ZMAT1: variants seen among roughly 807,000 people sequenced by gnomAD.
ZMAT1 encodes the protein zinc finger matrin-type protein 1.
A neutral mutation model predicts 18.5 loss-of-function variants in ZMAT1; 11 were observed. The ratio of observed to expected loss-of-function variants is 0.59; its 90% CI spans 0.37 to 0.98. The LOEUF is 0.98. Among genes scored for constraint, ZMAT1 ranks in the 50% least tolerant of loss-of-function variants. The pLI is 0.01. For synonymous variants in ZMAT1, 211 were observed against 176.4 expected (o/e 1.20, Z -1.55); for missense variants, 525 against 496.2 (o/e 1.06, Z -0.55).
rs56951039 is a variant in ZMAT1 at position 101,907,077 on chromosome X, C to A, written c.293-2747G>T. On this transcript the variant is annotated intron_variant, in intron 1 of 5. Transcript: ENST00000651725. ...ATCATTTCAATAATCCAAGACACCC[C>A]AGTGCTAGGCTAGCCTCCATGGACT... 2.1e-3 allele frequency among the ~76,000 whole-genome samples: 237 copies of A among 111,932 alleles called. 1 individual carries two copies. Among genetic ancestry groups the A allele is most frequent in the African/African-American group, 7.4e-3 (228 of 30,810 alleles).
rs757359183 is a variant in ZMAT1, at chrX:101,906,586, A to G, written c.293-2256T>C. On this transcript the variant is annotated intron_variant, in intron 1 of 5. Coordinates refer to ENST00000651725, the MANE Select transcript of ZMAT1 (RefSeq NM_001394560.1). ...CAGTGTTCCAGCAGACCCAGGGCCC[A>G]CCCAGGCCAGTTCCAGTAGACCACA... 2.7e-4 allele frequency among the ~76,000 whole-genome samples: 30 copies of G among 111,853 alleles called. 3 individuals are homozygous for G. The highest frequency in any genetic ancestry group is 2.3e-3 in the East Asian group (8 of 3,519).
chrX:101,924,648 AT>A (rs1929947463), intron 1 of ZMAT1, among the ~76,000 whole-genome samples: 1 of 112,117 alleles, frequency 8.9e-6, no homozygotes, highest in Admixed American at 9.5e-5. Context: ...TTTAAAAATA[AT>A]AAGATGTGGA....
intron 1 of ZMAT1, among the ~76,000 whole-genome samples, chrX:101,918,117 T>G (rs528854395): frequency 1.8e-5 from 2 of 111,611 alleles, no homozygotes; most frequent in African/African-American, 6.5e-5. Context: ...TAGTATTTGA[T>G]AGCACAACAA....
intron 1 of ZMAT1, among the ~76,000 whole-genome samples, chrX:101,929,423 T>TTATATATATATATATATA (rs771032732): frequency 2.8e-5 from 2 of 71,309 alleles, no homozygotes; most frequent in African/African-American, 9.3e-5. Context: ...TAGAGAGAGA[T>TTATATATATATATATATA]TATATATATA....
At chrX:101,898,997 G>A (rs1486769658) in intron 2 of ZMAT1, among the ~76,000 whole-genome samples, 2 of 110,667 alleles carry the variant, frequency 1.8e-5, no homozygotes, top group African/African-American at 3.3e-5. Flanking sequence ...GCAGCGAGCC[G>A]AGATTGCGCC....
intron 1 of ZMAT1, among the ~76,000 whole-genome samples, chrX:101,923,235 T>G (rs1271310714): frequency 8.9e-6 from 1 of 111,906 alleles, no homozygotes; most frequent in African/African-American, 3.2e-5. Flanking sequence ...TTATACTGAT[T>G]CTTAATTCCA....
chrX:101,888,323 C>T (rs1284282370), intron 4 of ZMAT1: 3 of 111,129 alleles, frequency 2.7e-5, no homozygotes, highest in Non-Finnish European at 3.8e-5. Context: ...TTAGGAAATT[C>T]GTACCATCTT....
intron 1 of ZMAT1, among the ~76,000 whole-genome samples, chrX:101,910,988 A>G (rs774377405): frequency 9.0e-6 from 1 of 111,501 alleles, no homozygotes; most frequent in African/African-American, 3.3e-5. Context: ...TTAATAATCA[A>G]GTACCCAAAG....
intron 1 of ZMAT1, among the ~76,000 whole-genome samples, chrX:101,929,629 T>C (rs138402588): frequency 0.092 from 10,049 of 109,296 alleles, 394 homozygotes; most frequent in African/African-American, 0.13. Flanking sequence ...TAAAATGAAA[T>C]GGTAAGAGAG....
chrX:101,931,118 T>C (rs1930451449), intron 1 of ZMAT1, among the ~76,000 whole-genome samples: 1 of 111,775 alleles, frequency 8.9e-6, no homozygotes, highest in Non-Finnish European at 1.9e-5. Flanking sequence ...CTTCCTAAAA[T>C]CCGACAGATC....
chrX:101,911,876 A>G (rs1209053277), intron 1 of ZMAT1: 1 of 1,205,341 alleles, frequency 8.3e-7, no homozygotes, highest in Non-Finnish European at 1.1e-6. Context: ...CTCCTTGCTC[A>G]GCCAGCATGA....
chrX:101,889,790 T>C (rs1231338888), intron 4 of ZMAT1: 1 of 111,718 alleles, frequency 9.0e-6, no homozygotes, highest in Non-Finnish European at 1.9e-5. Context: ...GCTTAATACC[T>C]AGGTGATGGG....
At chrX:101,897,344 TG>T (rs1206062169) in intron 4 of ZMAT1, among the ~76,000 whole-genome samples, 1 of 28,298 alleles carries the variant, frequency 3.5e-5, no homozygotes, top group Non-Finnish European at 5.8e-5. Context: ...TGTTGTGGGG[TG>T]GGGGGAGGGG....
chrX:101,890,148 T>C (rs995360733), intron 4 of ZMAT1: 7 of 111,974 alleles, frequency 6.3e-5, no homozygotes, highest in Admixed American at 1.9e-4. Flanking sequence ...TCCAAATCTA[T>C]GTTTATCCCT....
intron 4 of ZMAT1, 38 bp downstream of exon 4, chrX:101,897,830 A>G (rs369050619): frequency 3.4e-6 from 4 of 1,168,412 alleles, no homozygotes; most frequent in Non-Finnish European, 4.6e-6. Context: ...TGATAGGTAG[A>G]TCCTGCATTG....
chrX:101,899,339 A>T (rs917693799), intron 2 of ZMAT1, among the ~76,000 whole-genome samples: 4 of 111,570 alleles, frequency 3.6e-5, no homozygotes, highest in African/African-American at 1.3e-4. Context: ...TTATTAGGGT[A>T]CAGGTGGCAT....
At chrX:101,918,683 T>C (rs1929525098) in intron 1 of ZMAT1, 1 of 111,048 alleles carries the variant, frequency 9.0e-6, no homozygotes, top group Non-Finnish European at 1.9e-5. Flanking sequence ...ATATTATTTT[T>C]TGATTACAAT....
intron 1 of ZMAT1, chrX:101,911,629 T>G: frequency 1.7e-6 from 2 of 1,197,215 alleles, no homozygotes; most frequent in Non-Finnish European, 2.3e-6. Flanking sequence ...CACCAAACAT[T>G]AGCGAATCCA....
At chrX:101,885,186 T>C (rs1236831863) in intron 5 of ZMAT1, among the ~76,000 whole-genome samples, 1 of 111,314 alleles carries the variant, frequency 9.0e-6, no homozygotes, top group African/African-American at 3.3e-5. Context: ...ATATCTGATG[T>C]TGTTGTAGCA....
Sources: gnomAD v4.1 joint callset for allele counts (sites outside exome capture counted in the v4.1 genomes callset) on GRCh38, gnomAD v4.1.1 for gene constraint, MANE v1.5 for transcripts, NCBI Gene and HGNC (gene_info 2026-07-23, HGNC 2026-07-21) for gene names.